ATRNL1: variants seen among roughly 807,000 people sequenced by gnomAD.
The protein encoded by ATRNL1 is attractin like 1.
In ATRNL1, 95 loss-of-function variants were observed where a neutral mutation model predicts 182.7. The observed-to-expected ratio is 0.52, with a 90% confidence interval of 0.44 to 0.62. The LOEUF is 0.62. Among genes scored for constraint, ATRNL1 ranks in the 20% least tolerant of loss-of-function variants. The pLI is 0.00. For synonymous variants in ATRNL1, 576 were observed against 568.3 expected (o/e 1.01, Z -0.19); for missense variants, 1,471 against 1,679.5 (o/e 0.88, Z 2.17).
chr10:115,305,470 A>G (rs114090750), intron 17 of ATRNL1, among the ~76,000 whole-genome samples: 1,785 of 152,170 alleles, frequency 0.012, 33 homozygotes, highest in African/African-American at 0.04. Context: ...GTTGTACCTG[A>G]TCAAGTGGGT....
intron 25 of ATRNL1, among the ~76,000 whole-genome samples, chr10:115,540,313 T>A (rs10885736): frequency 4.0e-5 from 6 of 151,806 alleles, no homozygotes; most frequent in Non-Finnish European, 7.4e-5. Flanking sequence ...CCCGCTGCAC[T>A]GACTCAAGAA....
intron 14 of ATRNL1, 71 bp from the exon 15 acceptor site, chr10:115,286,145 C>T: frequency 1.4e-6 from 1 of 716,526 alleles, no homozygotes. Context: ...TACAGAAGTA[C>T]TTTGAAATAA....
Position 115,565,238 on chromosome 10 carries a change from A to G in ATRNL1, c.3795+15702A>G, listed in dbSNP as rs567439295. Among the ~76,000 whole-genome samples the G allele has an allele frequency of 2.6e-5, 4 of 152,200 alleles. No individual in the cohort carries two copies. The South Asian group carries it at 8.3e-4, about 31-fold the overall frequency. ...GAAAATGACTGAGAATTTCAGTAGGAAATTTAAGATGCAGCAAGCTAAATT... is the reference window on the plus strand; with the variant it reads ...GAAAATGACTGAGAATTTCAGTAGGGAATTTAAGATGCAGCAAGCTAAATT... On this transcript the variant is annotated intron_variant, in intron 26 of 28. Transcript: ENST00000355044.
chr10:115,424,441 G>A (rs1202552566), intron 20 of ATRNL1, among the ~76,000 whole-genome samples: 8 of 152,052 alleles, frequency 5.3e-5, no homozygotes, highest in African/African-American at 1.7e-4. Flanking sequence ...ATATTTATCC[G>A]AAGGAATTGA....
intron 14 of ATRNL1, among the ~76,000 whole-genome samples, chr10:115,283,114 C>CAAA (rs1852447579): frequency 3.3e-5 from 5 of 152,010 alleles, no homozygotes; most frequent in Admixed American, 3.3e-4. Flanking sequence ...ATTATTCTGC[C>CAAA]TTTAAAAATG....
chr10:115,330,338 T>G (rs555805695), intron 18 of ATRNL1, among the ~76,000 whole-genome samples: 6 of 152,334 alleles, frequency 3.9e-5, no homozygotes, highest in African/African-American at 1.4e-4. Context: ...TAGAGTATTC[T>G]GAATTTGTTT....
rs375541870 is a variant in ATRNL1 at position 115,129,228 on chromosome 10, C to T, written c.621-99C>T. 9.0e-5 allele frequency: 72 copies of T among 795,796 alleles called. No individual in the cohort carries two copies. In the East Asian group the frequency reaches 1.4e-3, roughly 16 times the overall value. The allele number at this position is 795,796 out of a possible 1,614,324, so 49.3% of individuals were successfully genotyped here. A position where few individuals can be genotyped will look rare whatever the true frequency, so the allele number is the denominator to read the frequency against. On this transcript the variant is annotated intron_variant, in intron 4 of 28. Transcript: ENST00000355044. ...TGAAATTCTGTTACATTTATAAGCA[C>T]ATAGGACACAGTATAAAAATTATAA...
chr10:115,335,418 T>C (rs1317237324), intron 19 of ATRNL1, among the ~76,000 whole-genome samples: 5 of 152,196 alleles, frequency 3.3e-5, no homozygotes, highest in African/African-American at 1.2e-4. Flanking sequence ...TATGGCTGTC[T>C]GGGCCACTTT....
chr10:115,820,148 C>A (rs1031814176), intron 27 of ATRNL1: 2 of 152,098 alleles, frequency 1.3e-5, no homozygotes, highest in Non-Finnish European at 2.9e-5. Flanking sequence ...CTCTGAGCCT[C>A]ACTCTAAAAA....
intron 13 of ATRNL1, among the ~76,000 whole-genome samples, chr10:115,274,401 G>T (rs2133905736): frequency 6.6e-6 from 1 of 152,274 alleles, no homozygotes. Context: ...TATAGGAGGG[G>T]CCAGAGGCAA....
intron 17 of ATRNL1, among the ~76,000 whole-genome samples, 199 bp downstream of exon 17, chr10:115,302,242 C>A (rs927961555): frequency 1.3e-5 from 2 of 152,028 alleles, no homozygotes; most frequent in African/African-American, 4.8e-5. Context: ...AGTATCTTAC[C>A]CTAAATATTA....
At chr10:115,569,909 T>G (rs1854292449) in intron 26 of ATRNL1, among the ~76,000 whole-genome samples, 1 of 152,108 alleles carries the variant, frequency 6.6e-6, no homozygotes, top group South Asian at 2.1e-4. Flanking sequence ...GATCTAGGCA[T>G]CAGCAGATTT....
chr10:115,191,643 A>G (rs1354490435), intron 8 of ATRNL1, among the ~76,000 whole-genome samples: 1 of 152,044 alleles, frequency 6.6e-6, no homozygotes, highest in Non-Finnish European at 1.5e-5. Flanking sequence ...TGTTCTCATT[A>G]TAGTGAGTGA....
At chr10:115,511,882 A>T (rs1850403001) in intron 24 of ATRNL1, among the ~76,000 whole-genome samples, 1 of 151,850 alleles carries the variant, frequency 6.6e-6, no homozygotes, top group Non-Finnish European at 1.5e-5. Flanking sequence ...ATGTTGTCTT[A>T]TCAATTATTT....
chr10:115,695,840 G>T (rs1946540014), intron 26 of ATRNL1, among the ~76,000 whole-genome samples: 1 of 151,940 alleles, frequency 6.6e-6, no homozygotes, highest in South Asian at 2.1e-4. Context: ...TTCCTGAAAG[G>T]ATACAACCTT....
intron 27 of ATRNL1, among the ~76,000 whole-genome samples, chr10:115,774,079 C>G (rs913870664): frequency 6.6e-6 from 1 of 152,088 alleles, no homozygotes; most frequent in Admixed American, 6.5e-5. Flanking sequence ...CACCCCAAAC[C>G]AGCACTCATC....
intron 10 of ATRNL1, among the ~76,000 whole-genome samples, chr10:115,261,902 A>G (rs1160064572): frequency 6.6e-6 from 1 of 152,060 alleles, no homozygotes; most frequent in African/African-American, 2.4e-5. Flanking sequence ...AAGAAACTGA[A>G]TATTGCTCTA....
At chr10:115,848,749 A>G (rs1555099727) in intron 28 of ATRNL1, among the ~76,000 whole-genome samples, 3 of 152,064 alleles carry the variant, frequency 2.0e-5, no homozygotes, top group East Asian at 1.9e-4. Flanking sequence ...ATACTATTCC[A>G]TCTTTATAAT....
chr10:115,152,051 C>T (rs181671865), intron 5 of ATRNL1, among the ~76,000 whole-genome samples: 12 of 152,272 alleles, frequency 7.9e-5, no homozygotes, highest in Non-Finnish European at 1.5e-4. Context: ...TCTGAGGGCT[C>T]TGCTCTGTTC....
Sources: gnomAD v4.1 joint callset for allele counts (sites outside exome capture counted in the v4.1 genomes callset) on GRCh38, gnomAD v4.1.1 for gene constraint, MANE v1.5 for transcripts, NCBI Gene and HGNC (gene_info 2026-07-23, HGNC 2026-07-21) for gene names.